IL1RL1: variants seen among roughly 807,000 people sequenced by gnomAD.
IL1RL1 encodes the protein interleukin 1 receptor like 1.
IL1RL1 carries 32 observed loss-of-function variants against 50.9 expected under a neutral mutation model. The observed-to-expected ratio is 0.63, with a 90% CI of 0.47 to 0.84. The LOEUF is 0.84. Ranked by LOEUF, IL1RL1 falls within the 40% of genes least tolerant of loss-of-function variation. The probability of loss-of-function intolerance (pLI) is 0.00; values close to 1 mark genes in which losing one functional copy is unlikely to be tolerated. For synonymous variants in IL1RL1, 275 were observed against 236.0 expected (o/e 1.17, Z -1.51); for missense variants, 773 against 662.9 (o/e 1.17, Z -1.82).
chr2:102,311,879 A>AATATAAG, intron 1 of IL1RL1, among the ~76,000 whole-genome samples: 1 of 43,052 alleles, frequency 2.3e-5, no homozygotes, highest in South Asian at 4.6e-4. Context: ...TATATTATAT[A>AATATAAG]ATATAATATA....
Position 102,338,263 on chromosome 2 carries a change from G to C in IL1RL1, c.-2G>C. On this transcript the variant is annotated 5_prime_UTR_variant, in exon 2 of 11. Transcript: ENST00000233954. ...AATACTTGCTCTTGATTGATAAACA[G>C]AATGGGGTTTTGGATCTTAGCAATT... 1 of 1,603,842 alleles carries C rather than the reference G, an allele frequency of 6.2e-7. No individual in the cohort carries two copies.
chr2:102,339,198 ACTT>A, intron 3 of IL1RL1, 151 bp downstream of exon 3: 1 of 613,410 alleles, frequency 1.6e-6, no homozygotes, highest in Non-Finnish European at 2.9e-6. Context: ...ATTTGGATAA[ACTT>A]CTAGGAATAC....
intron 8 of IL1RL1, chr2:102,346,054 C>G (rs1677772758): frequency 2.0e-6 from 2 of 975,722 alleles, no homozygotes; most frequent in Admixed American, 6.2e-5. Flanking sequence ...TGGTTACACT[C>G]TGTTTCAGCA....
intron 8 of IL1RL1, chr2:102,344,979 ACTATAT>A: frequency 2.1e-6 from 2 of 947,006 alleles, no homozygotes; most frequent in Non-Finnish European, 2.5e-6. Flanking sequence ...AATTTCAGAC[ACTATAT>A]AATCTTTTAA....
At chr2:102,352,276 G>A (rs879257723), downstream of IL1RL1, among the ~76,000 whole-genome samples, 47 of 148,438 alleles carry the variant, frequency 3.2e-4, no homozygotes, top group African/African-American at 1.2e-3. Flanking sequence ...CTAATCATTC[G>A]AGAGTAGATT....
intron 1 of IL1RL1, among the ~76,000 whole-genome samples, chr2:102,316,667 T>C (rs906018338): frequency 6.6e-6 from 1 of 152,224 alleles, no homozygotes; most frequent in Non-Finnish European, 1.5e-5. Context: ...TCTAAAATTA[T>C]GTAAAAATTA....
At chr2:102,328,224 C>T (rs1005972083) in intron 1 of IL1RL1, among the ~76,000 whole-genome samples, 6 of 152,130 alleles carry the variant, frequency 3.9e-5, no homozygotes, top group African/African-American at 1.4e-4. Context: ...TAAACATAAT[C>T]CAGCATATAA....
Position 102,350,979 on chromosome 2 carries a change from G to A in IL1RL1, c.1286-557G>A, listed in dbSNP as rs568728808. Among the ~76,000 whole-genome samples, 3 of 152,272 alleles carry A rather than the reference G, an allele frequency of 2.0e-5. No homozygotes were observed. In the South Asian group the frequency reaches 6.2e-4, roughly 32 times the overall value. ...GTCTACGCTGTATAAATGCCAAATG[G>A]GAAAGGGGATCTATTGTCCCTTGAG... On this transcript the variant is annotated intron_variant, in intron 10 of 10. Transcript: ENST00000233954.
chr2:102,340,867 A>G, intron 5 of IL1RL1, 39 bp downstream of exon 5: 1 of 1,487,838 alleles, frequency 6.7e-7, no homozygotes, highest in South Asian at 1.3e-5. Context: ...TACTACGTGA[A>G]AGAAGTCGAA....
At chr2:102,322,731 G>T (rs1475270226) in intron 1 of IL1RL1, among the ~76,000 whole-genome samples, 2 of 152,152 alleles carry the variant, frequency 1.3e-5, no homozygotes, top group Non-Finnish European at 2.9e-5. Flanking sequence ...TATCCCCCAT[G>T]TATCATCATC....
intron 5 of IL1RL1, chr2:102,341,337 C>G: frequency 8.1e-7 from 1 of 1,233,552 alleles, no homozygotes; most frequent in Non-Finnish European, 1.0e-6. Flanking sequence ...GCAATACTTT[C>G]AACATCATCA....
At chr2:102,334,899 CTTTTGTT>C (rs1316695620) in intron 1 of IL1RL1, among the ~76,000 whole-genome samples, 2 of 151,886 alleles carry the variant, frequency 1.3e-5, no homozygotes, top group South Asian at 2.1e-4. Flanking sequence ...TTTGTTTGTT[CTTTTGTT>C]TTTTGTTTTT....
chr2:102,351,619 G>T lies in IL1RL1; in HGVS notation c.1369G>T (p.Glu457Ter). 6.2e-7 allele frequency: 1 copy of T among 1,614,098 alleles called. No individual in the cohort carries two copies. Among genetic ancestry groups the T allele is most frequent in the Non-Finnish European group, 8.5e-7 (1 of 1,179,986 alleles). Residue 457 changes from glutamate to a stop codon, truncating the protein, a stop_gained, in exon 11 of 11, where the codon GAG (glutamate) becomes TAG (stop). Coordinates refer to ENST00000233954, the MANE Select transcript of IL1RL1 (RefSeq NM_016232.5). LOFTEE classifies it low-confidence loss of function (END_TRUNC). Reference protein sequence around the residue: ...ILTPQITHNKEFAYEQEVALH... With the variant: ...ILTPQITHNK ...GACCCCTCAGATCACTCACAATAAG[G>T]AGTTTGCCTACGAGCAGGAGGTTGC...
At chr2:102,319,812 C>T (rs1379096842) in intron 1 of IL1RL1, among the ~76,000 whole-genome samples, 1 of 152,162 alleles carries the variant, frequency 6.6e-6, no homozygotes, top group African/African-American at 2.4e-5. Context: ...CCTCAGCCTC[C>T]CAAGAAGCTG....
intron 1 of IL1RL1, chr2:102,312,802 CT>C (rs1423686785): frequency 2.0e-5 from 3 of 152,154 alleles, no homozygotes; most frequent in Admixed American, 6.5e-5. Context: ...CTCCATTCTT[CT>C]TCTCTCTGAA....
intron 8 of IL1RL1, chr2:102,344,599 G>A (rs865856330): frequency 2.8e-5 from 7 of 246,564 alleles, no homozygotes; most frequent in African/African-American, 1.2e-4. Context: ...TGCTCAACAC[G>A]ACTGCAAGCT....
intron 1 of IL1RL1, among the ~76,000 whole-genome samples, chr2:102,335,330 C>T (rs1300154979): frequency 6.6e-6 from 1 of 152,118 alleles, no homozygotes; most frequent in African/African-American, 2.4e-5. Context: ...AAAAGAAAAG[C>T]TTTACCAGCC....
intron 1 of IL1RL1, among the ~76,000 whole-genome samples, chr2:102,327,653 T>C (rs1294450312): frequency 6.6e-6 from 1 of 151,850 alleles, no homozygotes. Context: ...ATAGACGCAA[T>C]AAAAAATGAC....
At chr2:102,341,056 C>A in intron 5 of IL1RL1, 3 of 678,582 alleles carry the variant, frequency 4.4e-6, no homozygotes, top group Non-Finnish European at 6.4e-6. Context: ...AAAGCCACAT[C>A]TGTTCTTTAT....
Sources: allele counts gnomAD v4.1 joint callset (sites outside exome capture counted in the v4.1 genomes callset), GRCh38; gene constraint gnomAD v4.1.1; transcripts MANE v1.5; gene names NCBI Gene and HGNC (gene_info 2026-07-23, HGNC 2026-07-21).